GBP6: variants seen among roughly 807,000 people sequenced by gnomAD.
The protein encoded by GBP6 is guanylate binding protein family member 6.
In GBP6, 54 loss-of-function variants were observed where a neutral mutation model predicts 61.5. The ratio of observed to expected loss-of-function variants is 0.88; its 90% CI spans 0.71 to 1.10. The LOEUF (loss-of-function observed/expected upper bound fraction) is 1.10. Ranked by LOEUF, GBP6 falls within the 50% of genes least tolerant of loss-of-function variation. The pLI is 0.00. For missense variants in GBP6, 748 were observed against 752.8 expected (o/e 0.99, Z 0.07); for synonymous variants, 255 against 273.7 (o/e 0.93, Z 0.67).
chr1:89,368,620 G>GAA lies in GBP6; in HGVS notation c.70_71dup (p.Asn24LysfsTer22), dbSNP rs1326958766. Reference sequence around the variant, plus strand: ...AAAATAACAATGAGCAGCTATTGGTGAACCAGCAAGCTATACAGATTCTTG... The same window carrying GAA: ...AAAATAACAATGAGCAGCTATTGGTGAAAACCAGCAAGCTATACAGATTCTTG... On this transcript the variant is annotated frameshift_variant, in exon 2 of 11. Transcript: ENST00000370456. LOFTEE classifies it high-confidence loss of function. 1 of 1,614,186 alleles carries GAA rather than the reference G, an allele frequency of 6.2e-7. No homozygotes were observed. Among genetic ancestry groups the GAA allele is most frequent in the East Asian group, 2.2e-5 (1 of 44,890 alleles).
chr1:89,382,624 A>G lies in GBP6; in HGVS notation c.1153-40A>G, dbSNP rs1313211124. On this transcript the variant is annotated intron_variant, in intron 7 of 10. Coordinates refer to ENST00000370456, the MANE Select transcript of GBP6 (RefSeq NM_198460.3). ...GATTCTTTAGAATTTCATCTCCTCC[A>G]TGTTTCTTCTGGTGACATCTCTCTA... is the stretch of plus-strand genomic sequence containing the variant. 2.6e-6 allele frequency: 4 copies of G among 1,525,468 alleles called. No homozygotes were observed. In the South Asian group the frequency reaches 4.5e-5, roughly 17 times the overall value. 94.5% of individuals were successfully genotyped at this position (1,525,468 alleles called of 1,614,324 possible).
At chr1:89,372,551 C>T (rs1652675007) in intron 3 of GBP6, among the ~76,000 whole-genome samples, 1 of 152,042 alleles carries the variant, frequency 6.6e-6, no homozygotes, top group Admixed American at 6.6e-5. Flanking sequence ...CTGACAAGAA[C>T]AAGAAATAGG....
intron 3 of GBP6, among the ~76,000 whole-genome samples, chr1:89,375,844 GT>G (rs1181891452): frequency 6.6e-6 from 1 of 152,118 alleles, no homozygotes; most frequent in East Asian, 1.9e-4. Flanking sequence ...CCAATGTCAA[GT>G]TTTTTCCTTG....
At chr1:89,372,593 G>C (rs576709817) in intron 3 of GBP6, among the ~76,000 whole-genome samples, 11 of 152,196 alleles carry the variant, frequency 7.2e-5, no homozygotes, top group Admixed American at 1.3e-4. Flanking sequence ...AATGGTGCTG[G>C]GAAAACTGGC....
Position 89,381,912 on chromosome 1 carries a change from A to G in GBP6, c.1090A>G (p.Ile364Val), listed in dbSNP as rs1425115985. Residue 364 changes from isoleucine to valine, a missense_variant, in exon 7 of 11, where the codon ATT (isoleucine) becomes GTT (valine). Physicochemically the swap from Ile to Val is conservative, Grantham distance 29. Transcript: ENST00000370456. ...DMHAACEREA[I>V]AIFMEHSFKD... is the part of the protein sequence containing the mutation. ...GCATGCGGCCTGTGAGAGGGAAGCC[A>G]TTGCAATCTTCATGGAGCACTCCTT... 9.9e-6 allele frequency: 16 copies of G among 1,614,036 alleles called. No homozygotes were observed. The highest frequency in any genetic ancestry group is 1.3e-5 in the Non-Finnish European group (15 of 1,180,014).
At chr1:89,366,822 T>C (rs1032140122) in intron 1 of GBP6, among the ~76,000 whole-genome samples, 4 of 152,210 alleles carry the variant, frequency 2.6e-5, no homozygotes, top group African/African-American at 9.6e-5. Context: ...ACAATGATTC[T>C]GCATTCCCTC....
intron 3 of GBP6, among the ~76,000 whole-genome samples, chr1:89,370,464 C>T (rs372790379): frequency 1.4e-4 from 21 of 152,192 alleles, no homozygotes; most frequent in Admixed American, 5.9e-4. Flanking sequence ...TGATTGTGCT[C>T]ATCATAAAAA....
chr1:89,383,553 C>A, intron 8 of GBP6, 99 bp from the exon 9 acceptor site: 1 of 864,718 alleles, frequency 1.2e-6, no homozygotes, highest in Non-Finnish European at 1.9e-6. Flanking sequence ...GAATTTTAGG[C>A]ATAAAGCAAA....
intron 2 of GBP6, among the ~76,000 whole-genome samples, chr1:89,369,002 A>T (rs1652544528): frequency 6.6e-6 from 1 of 152,142 alleles, no homozygotes; most frequent in Admixed American, 6.5e-5. Flanking sequence ...GGGCTCCTGT[A>T]ATTGTGTCTC....
intron 5 of GBP6, among the ~76,000 whole-genome samples, 176 bp downstream of exon 5, chr1:89,378,789 T>C (rs550060995): frequency 2.0e-5 from 3 of 152,184 alleles, no homozygotes; most frequent in Non-Finnish European, 4.4e-5. Context: ...TTAAGAAAAG[T>C]AGAGTCTAAA....
At chr1:89,372,819 CTAAT>C (rs1169061287) in intron 3 of GBP6, among the ~76,000 whole-genome samples, 2 of 152,104 alleles carry the variant, frequency 1.3e-5, no homozygotes, top group African/African-American at 4.8e-5. Flanking sequence ...CAAATGGGAT[CTAAT>C]TAAACTAAAG....
intron 7 of GBP6, 119 bp from the exon 8 acceptor site, chr1:89,382,545 C>G (rs929409123): frequency 1.3e-6 from 1 of 743,274 alleles, no homozygotes; most frequent in Non-Finnish European, 2.3e-6. Flanking sequence ...TCCACATCTA[C>G]TCCACTAGAA....
In GBP6 at chr1:89,381,720, G is replaced by A. The variant is rs181179151; in HGVS notation, c.898G>A (p.Val300Ile). ...NRLGTLAVTY[V>I]EAINSGAVPC... ...TCTGGGAACTCTGGCAGTGACTTAT[G>A]TAGAGGCCATCAACAGTGGAGCAGT... The change falls in exon 7 of 11, where the codon GTA (valine) becomes ATA (isoleucine). Residue 300 changes from valine to isoleucine, a missense_variant. Physicochemically the swap from Val to Ile is conservative, Grantham distance 29. Coordinates refer to ENST00000370456, the MANE Select transcript of GBP6 (RefSeq NM_198460.3). 6 of 1,613,598 alleles carry A rather than the reference G, an allele frequency of 3.7e-6. No individual in the cohort carries two copies. The highest frequency in any genetic ancestry group is 4.2e-6 in the Non-Finnish European group (5 of 1,179,638).
intron 5 of GBP6, 105 bp downstream of exon 5, chr1:89,378,718 G>C: frequency 1.1e-6 from 1 of 909,698 alleles, no homozygotes; most frequent in East Asian, 2.5e-5. Context: ...CTAGATTGAG[G>C]TCTGTAGAAA....
intron 8 of GBP6, 149 bp downstream of exon 8, chr1:89,383,025 T>A: frequency 1.7e-6 from 1 of 578,780 alleles, no homozygotes; most frequent in Non-Finnish European, 3.1e-6. Flanking sequence ...AGAATAAAAA[T>A]TTTTATTCCA....
chr1:89,378,985 C>A (rs1341014509), intron 5 of GBP6, among the ~76,000 whole-genome samples: 2 of 152,064 alleles, frequency 1.3e-5, no homozygotes, highest in African/African-American at 4.8e-5. Context: ...AATGAAAAGC[C>A]TATCTAATAA....
At chr1:89,373,622 A>G (rs1003807883) in intron 3 of GBP6, among the ~76,000 whole-genome samples, 3 of 152,090 alleles carry the variant, frequency 2.0e-5, no homozygotes, top group Admixed American at 6.6e-5. Context: ...CAATGAAAAC[A>G]CTTGGACACA....
rs78712082 is a variant in GBP6 at position 89,376,154 on chromosome 1, T to C, written c.319-1949T>C. On this transcript the variant is annotated intron_variant, in intron 3 of 10. Transcript: ENST00000370456. ...TTCCTTCTTTTTGAAGGCTTAATAG[T>C]ATTTCATTGTGTATAGATTTCACAT... Among the ~76,000 whole-genome samples, 123 of 152,362 alleles carry C rather than the reference T, an allele frequency of 8.1e-4. 1 individual carries two copies. The East Asian group carries it at 0.023, about 28-fold the overall frequency.
Position 89,385,446 on chromosome 1 carries a change from A to G in GBP6, c.1879A>G (p.Lys627Glu). Residue 627 changes from lysine to glutamate, a missense_variant, in exon 11 of 11, where the codon AAA (lysine) becomes GAA (glutamate). Transcript: ENST00000370456. ...TGTCAAAGGTGTGAGCTCACTCTTT[A>G]AAAAGCATAAGCTCCCCTTTTAAGG... ...HGVKGVSSLFKKHKLPF is the reference protein window; with the variant it reads ...HGVKGVSSLFEKHKLPF 6.2e-7 allele frequency: 1 copy of G among 1,614,062 alleles called. No individual in the cohort carries two copies. The highest frequency in any genetic ancestry group is 8.5e-7 in the Non-Finnish European group (1 of 1,179,916).
Sources: gnomAD v4.1 joint callset for allele counts (sites outside exome capture counted in the v4.1 genomes callset) on GRCh38, gnomAD v4.1.1 for gene constraint, MANE v1.5 for transcripts, NCBI Gene and HGNC (gene_info 2026-07-23, HGNC 2026-07-21) for gene names.